Variants in EIF4EBP3 observed in about 807,000 individuals in gnomAD.
EIF4EBP3 encodes eukaryotic translation initiation factor 4E binding protein 3.
A neutral mutation model predicts 12.1 loss-of-function variants in EIF4EBP3; 11 were observed. That is an observed-to-expected ratio of 0.91 (90% CI 0.57 to 1.51). The LOEUF is 1.51. Ranked by LOEUF, EIF4EBP3 falls within the 40% of genes most tolerant of loss-of-function variation. EIF4EBP3 has a pLI of 0.00. For synonymous variants in EIF4EBP3, 43 were observed against 54.2 expected, an observed-to-expected ratio of 0.79 and a Z score of 0.91; for missense variants, 136 against 131.8, an observed-to-expected ratio of 1.03 and a Z score of -0.16.
Position 140,547,817 on chromosome 5 carries a change from C to T in EIF4EBP3, c.80C>T (p.Thr27Met). The part of the protein sequence containing the change: ...PDCYSTTPGG[T>M]LYATTPGGTR... Reference sequence around the variant, plus strand: ...TGCTACAGCACCACGCCGGGGGGCACGCTATACGCCACTACCCCCGGAGGT... The same window carrying T: ...TGCTACAGCACCACGCCGGGGGGCATGCTATACGCCACTACCCCCGGAGGT... The change falls in exon 1 of 3, where the codon ACG (threonine) becomes ATG (methionine). Residue 27 changes from threonine (T) to methionine (M), a missense_variant. Thr to Met is a moderately conservative substitution (Grantham distance 81). Transcript: ENST00000310331. 1.3e-6 allele frequency: 2 copies of T among 1,502,706 alleles called. No homozygotes were observed. The highest frequency in any genetic ancestry group is 8.9e-7 in the Non-Finnish European group (1 of 1,121,646). 93.1% of individuals were successfully genotyped at this position (1,502,706 alleles called of 1,614,324 possible). A position where few individuals can be genotyped will look rare whatever the true frequency, so the allele number is the denominator to read the frequency against.
chr5:140,549,375 G>A lies in EIF4EBP3; in HGVS notation c.*113G>A. On this transcript the variant is annotated 3_prime_UTR_variant, in exon 3 of 3. Coordinates refer to ENST00000310331, the MANE Select transcript of EIF4EBP3 (RefSeq NM_003732.3). ...CAGCTGGCCTCATCTAATCTGGAAG[G>A]GAGTGACTTGTTAGTTCCAGGCCTC... 1 of 1,572,610 alleles carries A rather than the reference G, an allele frequency of 6.4e-7. No homozygotes were observed. The highest frequency in any genetic ancestry group is 1.4e-5 in the African/African-American group (1 of 74,032).
In EIF4EBP3 at chr5:140,549,321, C is replaced by T; in HGVS notation, c.*59C>T. 1 of 1,613,866 alleles carries T rather than the reference C, an allele frequency of 6.2e-7. No homozygotes were observed. The highest frequency in any genetic ancestry group is 8.5e-7 in the Non-Finnish European group (1 of 1,179,804). On this transcript the variant is annotated 3_prime_UTR_variant, in exon 3 of 3. Transcript: ENST00000310331. ...GAGGGATCCCTCATGCCACTGCTGC[C>T]ACCACCTCTTCCTGGGGCATCCAAA...
chr5:140,548,197 T>C (rs1475272454), intron 1 of EIF4EBP3, among the ~76,000 whole-genome samples: 1 of 151,542 alleles, frequency 6.6e-6, no homozygotes, highest in Non-Finnish European at 1.5e-5. Context: ...AGAAGTGGAG[T>C]AGTTAGAACA....
intron 1 of EIF4EBP3, among the ~76,000 whole-genome samples, 161 bp from the exon 2 acceptor site, chr5:140,548,745 T>TGGC (rs1399143900): frequency 6.6e-6 from 1 of 152,160 alleles, no homozygotes; most frequent in Non-Finnish European, 1.5e-5. Context: ...TGAAGGCTTG[T>TGGC]CTGCTGAGAA....
Position 140,548,960 on chromosome 5 carries a change from T to C in EIF4EBP3, c.158T>C (p.Ile53Thr). ...KFLLECKNSPIARTPPCCLPQ... is the reference protein window; with the variant it reads ...KFLLECKNSPTARTPPCCLPQ... The stretch of plus-strand genomic sequence containing the variant: ...CTGCTGGAGTGCAAGAACTCACCCA[T>C]TGCCCGGACACCCCCCTGCTGCCTC... Residue 53 changes from isoleucine to threonine, a missense_variant, in exon 2 of 3, where the codon ATT becomes ACT. Ile to Thr is a moderately conservative substitution (Grantham distance 89, BLOSUM62 -1). Coordinates refer to ENST00000310331, the MANE Select transcript of EIF4EBP3 (RefSeq NM_003732.3). 1 of 1,614,032 alleles carries C rather than the reference T, an allele frequency of 6.2e-7. No homozygotes were observed.
Position 140,549,287 on chromosome 5 carries a change from G to C in EIF4EBP3, c.*25G>C. 6.2e-7 allele frequency: 1 copy of C among 1,614,142 alleles called. No individual in the cohort carries two copies. Among genetic ancestry groups the C allele is most frequent in the South Asian group, 1.1e-5 (1 of 91,078 alleles). ...ATCCAGTGCAGATGACCTGGCATGT[G>C]GAGTTACAGAGGGATCCCTCATGCC... On this transcript the variant is annotated 3_prime_UTR_variant, in exon 3 of 3. Coordinates refer to ENST00000310331, the MANE Select transcript of EIF4EBP3 (RefSeq NM_003732.3).
rs549360878 is a variant in EIF4EBP3, at chr5:140,548,801, T to G, written c.104-105T>G. 73 of 1,457,838 alleles carry G rather than the reference T, an allele frequency of 5.0e-5. No individual in the cohort carries two copies. The Middle Eastern group carries it at 1.5e-3, about 31-fold the overall frequency. The allele number at this position is 1,457,838 out of a possible 1,614,324, so 90.3% of individuals were successfully genotyped here. Reference sequence around the variant, plus strand: ...GATGTCCTTTGATACACAGGGAAATTTGACACCACCCTCACCTCCAGGCCC... The same window carrying G: ...GATGTCCTTTGATACACAGGGAAATGTGACACCACCCTCACCTCCAGGCCC... On this transcript the variant is annotated intron_variant, in intron 1 of 2. Coordinates refer to ENST00000310331, the MANE Select transcript of EIF4EBP3 (RefSeq NM_003732.3).
chr5:140,547,869 C>T (rs971447493), intron 1 of EIF4EBP3, 29 bp downstream of exon 1: 10 of 1,410,850 alleles, frequency 7.1e-6, no homozygotes, highest in Middle Eastern at 2.0e-4. Flanking sequence ...GGTCCGCAGG[C>T]TGCGGACATA....
Position 140,547,819 on chromosome 5 carries a change from C to G in EIF4EBP3, c.82C>G (p.Leu28Val). The G allele has an allele frequency of 6.7e-7, 1 of 1,499,036 alleles. No homozygotes were observed. The highest frequency in any genetic ancestry group is 8.9e-7 in the Non-Finnish European group (1 of 1,119,918). The allele number at this position is 1,499,036 out of a possible 1,614,324, so 92.9% of individuals were successfully genotyped here. A position where few individuals can be genotyped will look rare whatever the true frequency, so the allele number is the denominator to read the frequency against. The change falls in exon 1 of 3, where the codon CTA (leucine) becomes GTA (valine). Residue 28 changes from leucine to valine, a missense_variant. Transcript: ENST00000310331. ...CTACAGCACCACGCCGGGGGGCACG[C>G]TATACGCCACTACCCCCGGAGGTCA... The part of the protein sequence containing the change: ...DCYSTTPGGT[L>V]YATTPGGTRI...
rs1561852107 is a variant in EIF4EBP3 at position 140,547,771 on chromosome 5, G to GT, written c.34_35insT (p.Gly12ValfsTer82). ...GTCCACTAGCTGCCCGATTCCCGGG[G>GT]GCCGGGACCAGCTGCCCGACTGCTA... On this transcript the variant is annotated frameshift_variant, in exon 1 of 3. Coordinates refer to ENST00000310331, the MANE Select transcript of EIF4EBP3 (RefSeq NM_003732.3). LOFTEE classifies it high-confidence loss of function. 1 of 1,542,550 alleles carries GT rather than the reference G, an allele frequency of 6.5e-7. No homozygotes were observed. Among genetic ancestry groups the GT allele is most frequent in the South Asian group, 1.2e-5 (1 of 83,566 alleles).
At position 140,547,814 on chromosome 5, in the gene EIF4EBP3, G is replaced by A; in HGVS notation, c.77G>A (p.Gly26Asp). 3 of 1,520,626 alleles carry A rather than the reference G, an allele frequency of 2.0e-6. No individual in the cohort carries two copies. The highest frequency in any genetic ancestry group is 2.7e-6 in the Non-Finnish European group (3 of 1,131,570). The allele number at this position is 1,520,626 out of a possible 1,614,324, so 94.2% of individuals were successfully genotyped here. Residue 26 changes from glycine to aspartate, a missense_variant, in exon 1 of 3, where the codon GGC becomes GAC. Gly to Asp is a moderately conservative substitution (Grantham distance 94, BLOSUM62 -1). Coordinates refer to ENST00000310331, the MANE Select transcript of EIF4EBP3 (RefSeq NM_003732.3). Reference protein sequence around the residue: ...LPDCYSTTPGGTLYATTPGGT... With the variant: ...LPDCYSTTPGDTLYATTPGGT... ...GACTGCTACAGCACCACGCCGGGGG[G>A]CACGCTATACGCCACTACCCCCGGA...
In EIF4EBP3 at chr5:140,547,968, G is replaced by C. The variant is rs1484320695; in HGVS notation, c.103+128G>C. 4.1e-6 allele frequency: 3 copies of C among 734,956 alleles called. No individual in the cohort carries two copies. The East Asian group carries it at 1.0e-4, about 25-fold the overall frequency. 45.5% of individuals were successfully genotyped at this position (734,956 alleles called of 1,614,324 possible). On this transcript the variant is annotated intron_variant, in intron 1 of 2. Coordinates refer to ENST00000310331, the MANE Select transcript of EIF4EBP3 (RefSeq NM_003732.3). ...GGCCCCTCTACAGGTTGTAGCTTTG[G>C]GGGAGAATGTTTGGAGCGGAAGCTC...
rs370777210 is a variant in EIF4EBP3, at chr5:140,549,158, G to A, written c.275-76G>A. Reference sequence around the variant, plus strand: ...ACACAGTGCGGGGGTTCAGTTCCAAGAGGGGTTTCTGCACTGATGCTGAGC... The same window carrying A: ...ACACAGTGCGGGGGTTCAGTTCCAAAAGGGGTTTCTGCACTGATGCTGAGC... On this transcript the variant is annotated intron_variant, in intron 2 of 2. Transcript: ENST00000310331. 2.5e-6 allele frequency: 4 copies of A among 1,614,122 alleles called. No individual in the cohort carries two copies. In the Middle Eastern group the frequency reaches 4.9e-4, roughly 199 times the overall value.
At chr5:140,548,823 G>A in intron 1 of EIF4EBP3, 83 bp from the exon 2 acceptor site, 2 of 1,516,704 alleles carry the variant, frequency 1.3e-6, no homozygotes, top group East Asian at 4.6e-5. Context: ...TCACCTCCAG[G>A]CCCCAAAAGG....
chr5:140,548,848 C>A, intron 1 of EIF4EBP3, 58 bp from the exon 2 acceptor site: 1 of 1,556,332 alleles, frequency 6.4e-7, no homozygotes, highest in Non-Finnish European at 8.7e-7. Flanking sequence ...AGTCTGGGAC[C>A]CCAGTCACCT....
intron 1 of EIF4EBP3, among the ~76,000 whole-genome samples, chr5:140,548,488 ACTG>A (rs765878452): frequency 6.6e-6 from 1 of 152,120 alleles, no homozygotes; most frequent in South Asian, 2.1e-4. Flanking sequence ...ACCCTTCACA[ACTG>A]CTATTTCACT....
chr5:140,549,392 C>T lies in EIF4EBP3; in HGVS notation c.*130C>T. ...TCTGGAAGGGAGTGACTTGTTAGTT[C>T]CAGGCCTCCTTTAGTTCTGAGGCAG... On this transcript the variant is annotated 3_prime_UTR_variant, in exon 3 of 3. Transcript: ENST00000310331. 4.0e-6 allele frequency: 6 copies of T among 1,505,124 alleles called. No homozygotes were observed. The highest frequency in any genetic ancestry group is 5.5e-6 in the Non-Finnish European group (6 of 1,087,838). 93.2% of individuals were successfully genotyped at this position (1,505,124 alleles called of 1,614,324 possible). A position where few individuals can be genotyped will look rare whatever the true frequency, so the allele number is the denominator to read the frequency against.
chr5:140,548,262 G>A (rs768653999), intron 1 of EIF4EBP3, among the ~76,000 whole-genome samples: 1 of 152,222 alleles, frequency 6.6e-6, no homozygotes, highest in Non-Finnish European at 1.5e-5. Context: ...TTGGTTGGGC[G>A]AGCAGCCTGG....
chr5:140,547,858 G>C lies in EIF4EBP3; in HGVS notation c.103+18G>C. On this transcript the variant is annotated intron_variant, in intron 1 of 2. Transcript: ENST00000310331. ...CCCCGGAGGTCAGCGGGCCGGGCAG[G>C]GGTCCGCAGGCTGCGGACATATTAG... The C allele has an allele frequency of 7.0e-7, 1 of 1,424,776 alleles. No homozygotes were observed. Among genetic ancestry groups the C allele is most frequent in the Non-Finnish European group, 9.2e-7 (1 of 1,085,066 alleles). 88.3% of individuals were successfully genotyped at this position (1,424,776 alleles called of 1,614,324 possible).
Sources: allele counts gnomAD v4.1 joint callset (sites outside exome capture counted in the v4.1 genomes callset), GRCh38; gene constraint gnomAD v4.1.1; transcripts MANE v1.5; gene names NCBI Gene and HGNC (gene_info 2026-07-23, HGNC 2026-07-21).